The following TLN2 variants were observed in gnomAD, a reference collection of about 807,000 sequenced individuals.
The protein encoded by TLN2 is talin-2.
In TLN2, 118 loss-of-function variants were observed where a neutral mutation model predicts 294.7. The ratio of observed to expected loss-of-function variants is 0.40; its 90% CI spans 0.34 to 0.47. The LOEUF is 0.47. Among genes scored for constraint, TLN2 ranks in the 20% least tolerant of loss-of-function variants. TLN2 has a pLI of 0.84. For missense variants in TLN2, 3,083 were observed against 3,282.2 expected, an observed-to-expected ratio of 0.94 and a Z score of 1.48; for synonymous variants, 1,431 against 1,304.5, an observed-to-expected ratio of 1.10 and a Z score of -2.09.
At chr15:62,426,142 C>T (rs1252710885) in intron 1 of TLN2, among the ~76,000 whole-genome samples, 2 of 152,148 alleles carry the variant, frequency 1.3e-5, no homozygotes, top group African/African-American at 2.4e-5. Flanking sequence ...TGAGGAGGGC[C>T]TTGGAGAAGC....
chr15:62,712,040 T>C lies in TLN2; in HGVS notation c.2597T>C (p.Leu866Ser). 1 of 1,614,214 alleles carries C rather than the reference T, an allele frequency of 6.2e-7. No individual in the cohort carries two copies. Among genetic ancestry groups the C allele is most frequent in the Non-Finnish European group, 8.5e-7 (1 of 1,180,024 alleles). Residue 866 changes from leucine to serine, a missense_variant, in exon 22 of 59, where the codon TTA becomes TCA. Transcript: ENST00000636159. Reference protein sequence around the residue: ...SKKLLAAAKLLADSTARMVEA... With the variant: ...SKKLLAAAKLSADSTARMVEA... ...AAGCTCCTGGCAGCAGCAAAACTCT[T>C]AGCTGACTCCACTGCTCGCATGGTG...
intron 45 of TLN2, chr15:62,784,421 C>T (rs2064461260): frequency 1.3e-5 from 2 of 155,552 alleles, no homozygotes. Context: ...CCTTTTATTA[C>T]TTCCCTGCCT....
chr15:62,452,345 C>T (rs947090009), intron 1 of TLN2, among the ~76,000 whole-genome samples: 2 of 152,140 alleles, frequency 1.3e-5, no homozygotes, highest in East Asian at 1.9e-4. Flanking sequence ...TTAGTAGATA[C>T]CTATTCCGTG....
intron 1 of TLN2, among the ~76,000 whole-genome samples, chr15:62,554,718 A>T (rs370243825): frequency 6.6e-6 from 1 of 152,204 alleles, no homozygotes; most frequent in African/African-American, 2.4e-5. Context: ...TAAGCCACCC[A>T]GTACCCAGGC....
intron 11 of TLN2, 134 bp from the exon 12 acceptor site, chr15:62,686,507 T>C (rs2141042739): frequency 9.7e-7 from 1 of 1,030,684 alleles, no homozygotes; most frequent in East Asian, 2.6e-5. Context: ...AGCCTCAAAA[T>C]CTTGGTTTCC....
At chr15:62,450,405 C>A (rs1164138751) in intron 1 of TLN2, among the ~76,000 whole-genome samples, 1 of 152,144 alleles carries the variant, frequency 6.6e-6, no homozygotes, top group Non-Finnish European at 1.5e-5. Context: ...TATGTAAATA[C>A]ATATTCAACA....
chr15:62,642,725 TC>T, intron 3 of TLN2, among the ~76,000 whole-genome samples: 1 of 149,642 alleles, frequency 6.7e-6, no homozygotes, highest in African/African-American at 2.5e-5. Context: ...TGAGACAGAG[TC>T]TTGCTCTGTC....
Position 62,694,269 on chromosome 15 carries a change from G to A in TLN2, c.1216-47G>A, listed in dbSNP as rs28615381. On this transcript the variant is annotated intron_variant, in intron 13 of 58. Coordinates refer to ENST00000636159, the MANE Select transcript of TLN2 (RefSeq NM_015059.3). ...TGGGATTAGAGGCGTGAGCCACCGC[G>A]CGTGGCCTGGTTTTCATTTTTGCAT... 143 of 1,586,850 alleles carry A rather than the reference G, an allele frequency of 9.0e-5. No individual in the cohort carries two copies. The East Asian group carries it at 1.7e-3, about 19-fold the overall frequency.
chr15:62,419,788 C>G (rs2034289547), intron 1 of TLN2, among the ~76,000 whole-genome samples: 1 of 152,094 alleles, frequency 6.6e-6, no homozygotes, highest in Non-Finnish European at 1.5e-5. Context: ...AGGTGCACCC[C>G]ACCAGACCTG....
intron 12 of TLN2, among the ~76,000 whole-genome samples, chr15:62,690,776 C>G (rs973937693): frequency 7.3e-5 from 11 of 150,890 alleles, no homozygotes; most frequent in African/African-American, 9.9e-5. Context: ...CTCGGGAGGC[C>G]GAGGCTGGCG....
chr15:62,624,286 T>G (rs1220253179), intron 3 of TLN2, among the ~76,000 whole-genome samples: 1 of 152,212 alleles, frequency 6.6e-6, no homozygotes, highest in Non-Finnish European at 1.5e-5. Flanking sequence ...TTAGCTGGCT[T>G]GCAATATTAT....
intron 3 of TLN2, among the ~76,000 whole-genome samples, chr15:62,622,263 A>G (rs575790599): frequency 1.3e-5 from 2 of 152,352 alleles, no homozygotes; most frequent in South Asian, 4.1e-4. Flanking sequence ...GATAATTAGT[A>G]GAACCTTCTG....
chr15:62,507,024 A>G (rs1038390476), intron 1 of TLN2, among the ~76,000 whole-genome samples: 2 of 152,214 alleles, frequency 1.3e-5, no homozygotes, highest in African/African-American at 4.8e-5. Context: ...TAGCTTAAAA[A>G]CACTTGCTGA....
In TLN2 at chr15:62,836,024, C is replaced by T. The variant is rs2069511934; in HGVS notation, c.7325C>T (p.Ala2442Val). The change falls in exon 57 of 59, where the codon GCC becomes GTC. Residue 2442 changes from alanine (A) to valine (V), a missense_variant. Coordinates refer to ENST00000636159, the MANE Select transcript of TLN2 (RefSeq NM_015059.3). Reference sequence around the variant, plus strand: ...GCTTCCACGGCTCAGCTGCTGGTGGCCTGCAAGGTGAAGGCCGACCAGGAT... The same window carrying T: ...GCTTCCACGGCTCAGCTGCTGGTGGTCTGCAAGGTGAAGGCCGACCAGGAT... ...VAASTAQLLV[A>V]CKVKADQDSE... is the part of the protein sequence containing the mutation. 1 of 1,612,778 alleles carries T rather than the reference C, an allele frequency of 6.2e-7. No individual in the cohort carries two copies.
rs1170143321 is a variant in TLN2, at chr15:62,707,105, C to A, written c.2024C>A (p.Ala675Asp). 1 of 1,613,478 alleles carries A rather than the reference C, an allele frequency of 6.2e-7. No homozygotes were observed. Among genetic ancestry groups the A allele is most frequent in the East Asian group, 2.2e-5 (1 of 44,856 alleles). The change falls in exon 20 of 59, where the codon GCC (alanine) becomes GAC (aspartate). Residue 675 changes from alanine (A) to aspartate (D), a missense_variant. By Grantham distance (126) the Ala-to-Asp change is moderately radical. Coordinates refer to ENST00000636159, the MANE Select transcript of TLN2 (RefSeq NM_015059.3). Reference sequence around the variant, plus strand: ...TCTTAGGATGTTTTAATGAGTTTGGCCAAAGCTGTTGCCAATGCAGCTGCC... The same window carrying A: ...TCTTAGGATGTTTTAATGAGTTTGGACAAAGCTGTTGCCAATGCAGCTGCC... ...ERFQDVLMSLAKAVANAAAML... is the reference protein window; with the variant it reads ...ERFQDVLMSLDKAVANAAAML...
chr15:62,596,904 A>G (rs77500070), intron 2 of TLN2, among the ~76,000 whole-genome samples: 2,816 of 152,136 alleles, frequency 0.019, 43 homozygotes, highest in Middle Eastern at 0.031. Context: ...TTTTTCCTGT[A>G]GATTGTTTTT....
intron 13 of TLN2, among the ~76,000 whole-genome samples, chr15:62,693,850 A>G (rs937553425): frequency 1.3e-5 from 2 of 151,916 alleles, no homozygotes; most frequent in Non-Finnish European, 2.9e-5. Context: ...ATCGCTTACT[A>G]AATATCCAGT....
intron 11 of TLN2, among the ~76,000 whole-genome samples, chr15:62,676,998 G>T (rs910452822): frequency 6.6e-6 from 1 of 152,188 alleles, no homozygotes; most frequent in Admixed American, 6.5e-5. Context: ...AAGAAGCCAG[G>T]ACTTGAATTC....
intron 7 of TLN2, among the ~76,000 whole-genome samples, chr15:62,653,807 A>G (rs28671639): frequency 0.02 from 3,069 of 152,274 alleles, 99 homozygotes; most frequent in African/African-American, 0.065. Flanking sequence ...TTAATATCAG[A>G]TATACAAATC....
Sources: gnomAD v4.1 joint callset for allele counts (sites outside exome capture counted in the v4.1 genomes callset) on GRCh38, gnomAD v4.1.1 for gene constraint, MANE v1.5 for transcripts, NCBI Gene and HGNC (gene_info 2026-07-23, HGNC 2026-07-21) for gene names.